CTNNA2: variants seen among roughly 807,000 people sequenced by gnomAD.
CTNNA2 encodes catenin alpha 2, also known as catenin alpha-2.
Under a neutral mutation model 101.0 loss-of-function variants are expected in CTNNA2, and 42 were observed. The observed-to-expected ratio is 0.42, with a 90% CI of 0.32 to 0.54. The LOEUF (loss-of-function observed/expected upper bound fraction) is 0.54, where lower values mean the gene tolerates loss of function less well. Among genes scored for constraint, CTNNA2 ranks in the 20% least tolerant of loss-of-function variants. The pLI, the probability that CTNNA2 is intolerant of heterozygous loss-of-function variation, is 0.14. For missense variants in CTNNA2, 871 were observed against 1,223.1 expected, an observed-to-expected ratio of 0.71 and a Z score of 4.29; for synonymous variants, 450 against 456.4, an observed-to-expected ratio of 0.99 and a Z score of 0.18.
In CTNNA2 at chr2:79,317,965, G is replaced by C. The variant is rs550830516; in HGVS notation, c.-318+5169G>C. Among the ~76,000 whole-genome samples, 49 of 152,068 alleles carry C rather than the reference G, an allele frequency of 3.2e-4. No homozygotes were observed. In the East Asian group the frequency reaches 7.3e-3, roughly 23 times the overall value. ...AAAAATTCTGCAGCATTACAAACAA[G>C]ATTAGAGTAAAATATATGATTGTTG... is the stretch of plus-strand genomic sequence containing the variant. On this transcript the variant is annotated intron_variant, in intron 3 of 21. Coordinates refer to the CTNNA2 transcript ENST00000466387.
At chr2:79,909,940 G>A in intron 7 of CTNNA2, 143 bp downstream of exon 7, 1 of 795,692 alleles carries the variant, frequency 1.3e-6, no homozygotes, top group Non-Finnish European at 1.9e-6. Flanking sequence ...GAACTGCTTT[G>A]GGAGAGCGCG....
At chr2:79,835,662 CTTTGTTTTTTTTTTT>C in intron 3 of CTNNA2, among the ~76,000 whole-genome samples, 1 of 72,950 alleles carries the variant, frequency 1.4e-5, no homozygotes, top group East Asian at 4.3e-4. Context: ...AATGGCCTCT[CTTTGTTTTTTTTTTT>C]TTTTTTTTTT....
chr2:79,274,289 A>G (rs1675157670), intron 2 of CTNNA2, among the ~76,000 whole-genome samples: 1 of 152,070 alleles, frequency 6.6e-6, no homozygotes, highest in African/African-American at 2.4e-5. Flanking sequence ...TTAGTATTAC[A>G]AAGTGAACTA....
At chr2:79,656,282 C>A (rs985049611) in intron 2 of CTNNA2, among the ~76,000 whole-genome samples, 1 of 152,130 alleles carries the variant, frequency 6.6e-6, no homozygotes, top group Non-Finnish European at 1.5e-5. Context: ...GGAATATTAG[C>A]TATAAACTTC....
intron 4 of CTNNA2, among the ~76,000 whole-genome samples, chr2:79,398,777 C>A (rs1351942410): frequency 6.6e-6 from 1 of 150,886 alleles, no homozygotes; most frequent in Non-Finnish European, 1.5e-5. Context: ...CAAAAAAAAA[C>A]CTGTCAAAAT....
rs537754656 is a variant in CTNNA2, at chr2:80,372,572, G to A, written c.1057-20639G>A. Reference sequence around the variant, plus strand: ...CATACCTGTAAAATGTTTATCATATGAGTATGTCATAAGAATTAAATAAAC... The same window carrying A: ...CATACCTGTAAAATGTTTATCATATAAGTATGTCATAAGAATTAAATAAAC... On this transcript the variant is annotated intron_variant, in intron 7 of 18. Transcript: ENST00000402739. 1.8e-4 allele frequency among the ~76,000 whole-genome samples: 28 copies of A among 151,942 alleles called. No individual in the cohort carries two copies. The South Asian group carries it at 4.0e-3, about 21-fold the overall frequency.
At chr2:80,093,475 G>A (rs1221628543) in intron 7 of CTNNA2, among the ~76,000 whole-genome samples, 1 of 152,168 alleles carries the variant, frequency 6.6e-6, no homozygotes, top group Non-Finnish European at 1.5e-5. Context: ...ACGTGTGTAT[G>A]TGTCTTTATA....
At chr2:79,822,137 T>C (rs1226456395) in intron 3 of CTNNA2, among the ~76,000 whole-genome samples, 1 of 152,144 alleles carries the variant, frequency 6.6e-6, no homozygotes, top group African/African-American at 2.4e-5. Flanking sequence ...CTAATACTAA[T>C]GAGAATTCTT....
chr2:79,401,834 C>G (rs1033483420), intron 4 of CTNNA2, among the ~76,000 whole-genome samples: 5 of 151,024 alleles, frequency 3.3e-5, no homozygotes, highest in Non-Finnish European at 7.4e-5. Context: ...GAATATATAC[C>G]TTTTAAAAAG....
intron 2 of CTNNA2, among the ~76,000 whole-genome samples, chr2:79,281,056 C>T: frequency 6.6e-6 from 1 of 152,182 alleles, no homozygotes; most frequent in Non-Finnish European, 1.5e-5. Context: ...CCCCCACATC[C>T]TTATGGGGCT....
At chr2:79,835,666 GTTTTTTTTTTTTTTTTTTTTTTTTTTT>G (rs70940048) in intron 3 of CTNNA2, among the ~76,000 whole-genome samples, 1 of 58,618 alleles carries the variant, frequency 1.7e-5, no homozygotes, top group East Asian at 6.3e-4. Context: ...GCCTCTCTTT[GTTTTTTTTTTTTTTTTTTTTTTTTTTT>G]TTTTTTTTTT....
chr2:79,232,699 A>G (rs1179319143), intron 2 of CTNNA2, among the ~76,000 whole-genome samples: 1 of 152,130 alleles, frequency 6.6e-6, no homozygotes, highest in African/African-American at 2.4e-5. Flanking sequence ...GATTTTTATT[A>G]CTGACTCAAT....
chr2:79,509,257 T>C (rs961774840), upstream of CTNNA2, among the ~76,000 whole-genome samples: 5 of 151,968 alleles, frequency 3.3e-5, no homozygotes, highest in African/African-American at 1.2e-4. Flanking sequence ...GTTCAATTGA[T>C]ACATAATAAA....
chr2:80,410,514 T>C (rs1026156083), intron 8 of CTNNA2, among the ~76,000 whole-genome samples: 2 of 152,238 alleles, frequency 1.3e-5, no homozygotes, highest in African/African-American at 2.4e-5. Flanking sequence ...TGTTCTTGAC[T>C]CCTGTCAGAC....
At chr2:80,285,577 G>A (rs1674695247) in intron 7 of CTNNA2, among the ~76,000 whole-genome samples, 1 of 152,112 alleles carries the variant, frequency 6.6e-6, no homozygotes, top group South Asian at 2.1e-4. Context: ...GTCATAGTCT[G>A]GGGACCAAGT....
intron 7 of CTNNA2, among the ~76,000 whole-genome samples, chr2:80,251,334 G>A (rs1671749791): frequency 2.0e-5 from 3 of 152,158 alleles, no homozygotes; most frequent in Admixed American, 2.0e-4. Flanking sequence ...GTACCATATA[G>A]TGAGTTTGCT....
chr2:80,400,886 C>A (rs1678487911), intron 8 of CTNNA2, among the ~76,000 whole-genome samples: 1 of 152,164 alleles, frequency 6.6e-6, no homozygotes, highest in Non-Finnish European at 1.5e-5. Context: ...CTCCTAGACC[C>A]CAGTTATGAT....
At chr2:80,526,211 T>C (rs905886108) in intron 9 of CTNNA2, among the ~76,000 whole-genome samples, 11 of 152,078 alleles carry the variant, frequency 7.2e-5, no homozygotes, top group South Asian at 4.2e-4. Context: ...TTTTCTTTTC[T>C]TTTTTTGAGA....
intron 9 of CTNNA2, among the ~76,000 whole-genome samples, chr2:80,510,087 G>A (rs547091068): frequency 6.6e-6 from 1 of 152,172 alleles, no homozygotes; most frequent in South Asian, 2.1e-4. Context: ...ATAGTTTATG[G>A]CATACAACAG....
Sources: allele counts gnomAD v4.1 joint callset (sites outside exome capture counted in the v4.1 genomes callset), GRCh38; gene constraint gnomAD v4.1.1; transcripts MANE v1.5; gene names NCBI Gene and HGNC (gene_info 2026-07-23, HGNC 2026-07-21).